Variants in IQUB observed in about 807,000 individuals in gnomAD.
IQUB encodes IQ motif and ubiquitin-like domain-containing protein.
IQUB carries 86 observed loss-of-function variants against 86.4 expected under a neutral mutation model. That is an observed-to-expected ratio of 1.00 (90% CI 0.84 to 1.19). The LOEUF (loss-of-function observed/expected upper bound fraction) is 1.19, where lower values mean the gene tolerates loss of function less well. Among genes scored for constraint, IQUB ranks in the 50% most tolerant of loss-of-function variants. The pLI is 0.00. For synonymous variants in IQUB, 289 were observed against 304.5 expected, an observed-to-expected ratio of 0.95 and a Z score of 0.53; for missense variants, 946 against 916.9, an observed-to-expected ratio of 1.03 and a Z score of -0.41.
chr7:123,527,155 T>C (rs1797263491), intron 1 of IQUB, among the ~76,000 whole-genome samples: 1 of 152,328 alleles, frequency 6.6e-6, no homozygotes, highest in Admixed American at 6.5e-5. Context: ...AGCCTTGGTT[T>C]TCAGCTCCAT....
chr7:123,463,446 T>C (rs1794095866), intron 10 of IQUB, among the ~76,000 whole-genome samples: 1 of 151,794 alleles, frequency 6.6e-6, no homozygotes, highest in Non-Finnish European at 1.5e-5. Flanking sequence ...ATTAGAATAT[T>C]TTTCAGCTAT....
rs145461420 is a variant in IQUB, at chr7:123,457,529, G to A, written c.2045C>T (p.Ala682Val). Residue 682 changes from alanine to valine, a missense_variant, in exon 12 of 13, where the codon GCG (alanine) becomes GTG (valine). By Grantham distance (64) the Ala-to-Val change is moderately conservative. Coordinates refer to ENST00000324698, the MANE Select transcript of IQUB (RefSeq NM_178827.5). Reference protein sequence around the residue: ...DIQYLTENIWASQSVLSACDN... With the variant: ...DIQYLTENIWVSQSVLSACDN... ...GCAAGCACTGAGGACTGACTGGGAC[G>A]CCCAGATGTTCTCTGTCAGGTACTG... 3.9e-3 allele frequency: 6,196 copies of A among 1,607,662 alleles called. 10 individuals are homozygous for A. Among genetic ancestry groups the A allele is most frequent in the Non-Finnish European group, 4.9e-3 (5,787 of 1,177,722 alleles).
At position 123,457,703 on chromosome 7, in the gene IQUB, C is replaced by A. The variant is rs558614068; in HGVS notation, c.2008-137G>T. 6.1e-4 allele frequency: 405 copies of A among 665,116 alleles called. 5 individuals are homozygous for A. In the South Asian group the frequency reaches 7.7e-3, roughly 13 times the overall value. 41.2% of individuals were successfully genotyped at this position (665,116 alleles called of 1,614,324 possible). A position where few individuals can be genotyped will look rare whatever the true frequency, so the allele number is the denominator to read the frequency against. ...ACTAGGTTTCAATGACACATAGCCC[C>A]TTATTTTTCACTAAACTTCTGTTCA... On this transcript the variant is annotated intron_variant, in intron 11 of 12. Coordinates refer to ENST00000324698, the MANE Select transcript of IQUB (RefSeq NM_178827.5).
At chr7:123,504,151 T>C (rs1191348096) in intron 3 of IQUB, among the ~76,000 whole-genome samples, 2 of 152,148 alleles carry the variant, frequency 1.3e-5, no homozygotes, top group African/African-American at 4.8e-5. Context: ...GCATAATTTA[T>C]AAAGAAAAGA....
At chr7:123,492,374 T>C (rs1207604847) in intron 7 of IQUB, among the ~76,000 whole-genome samples, 1 of 152,134 alleles carries the variant, frequency 6.6e-6, no homozygotes, top group Non-Finnish European at 1.5e-5. Context: ...AAAATTTATT[T>C]CAAACTGGAT....
At chr7:123,466,996 T>C (rs1445670634) in intron 9 of IQUB, among the ~76,000 whole-genome samples, 1 of 152,106 alleles carries the variant, frequency 6.6e-6, no homozygotes, top group Non-Finnish European at 1.5e-5. Context: ...GCCAAGTGTC[T>C]TATTAACTTG....
chr7:123,498,001 T>C (rs1029171135), intron 6 of IQUB, among the ~76,000 whole-genome samples: 2 of 151,104 alleles, frequency 1.3e-5, no homozygotes, highest in Non-Finnish European at 2.9e-5. Flanking sequence ...CTAAAATAAT[T>C]AGGCAAGGAG....
chr7:123,457,144 T>G (rs1287003529), intron 12 of IQUB: 22 of 969,976 alleles, frequency 2.3e-5, no homozygotes, highest in Admixed American at 1.2e-4. Flanking sequence ...AAACTTACTA[T>G]TAGGAGAGAC....
At chr7:123,486,866 A>G (rs1795231797) in intron 7 of IQUB, among the ~76,000 whole-genome samples, 1 of 105,088 alleles carries the variant, frequency 9.5e-6, no homozygotes, top group Non-Finnish European at 2.1e-5. Flanking sequence ...TGTGCAGGTA[A>G]TAAGCTTATT....
chr7:123,454,972 T>G (rs1460693262), intron 12 of IQUB, among the ~76,000 whole-genome samples: 1 of 152,170 alleles, frequency 6.6e-6, no homozygotes, highest in Non-Finnish European at 1.5e-5. Context: ...GGAGTTATTA[T>G]GTACAGCCCA....
Position 123,452,510 on chromosome 7 carries a change from C to A in IQUB, c.*233G>T. ...ACACATTTTAAAATGTTTTCTTTACCCCAAAATATTAATTTCAGTAACAAA... is the reference window on the plus strand; with the variant it reads ...ACACATTTTAAAATGTTTTCTTTACACCAAAATATTAATTTCAGTAACAAA... On this transcript the variant is annotated 3_prime_UTR_variant, in exon 13 of 13. Transcript: ENST00000324698. The A allele has an allele frequency of 3.2e-6, 1 of 315,528 alleles. No individual in the cohort carries two copies. The highest frequency in any genetic ancestry group is 5.7e-6 in the Non-Finnish European group (1 of 175,218). 19.5% of individuals were successfully genotyped at this position (315,528 alleles called of 1,614,324 possible).
At chr7:123,510,293 T>C (rs1322841066) in intron 2 of IQUB, among the ~76,000 whole-genome samples, 1 of 152,138 alleles carries the variant, frequency 6.6e-6, no homozygotes, top group African/African-American at 2.4e-5. Context: ...ATACCTGGTA[T>C]GTATCATTCA....
chr7:123,487,672 G>A (rs879796055), intron 7 of IQUB, among the ~76,000 whole-genome samples: 8 of 152,124 alleles, frequency 5.3e-5, no homozygotes, highest in East Asian at 1.9e-4. Context: ...TCTATTCACC[G>A]ATAGAGCAAG....
At chr7:123,504,042 G>A (rs1796066006) in intron 3 of IQUB, among the ~76,000 whole-genome samples, 1 of 152,038 alleles carries the variant, frequency 6.6e-6, no homozygotes, top group South Asian at 2.1e-4. Flanking sequence ...TGTAAGTACA[G>A]GACATACCCA....
chr7:123,490,960 A>G (rs1795433038), intron 7 of IQUB, among the ~76,000 whole-genome samples: 1 of 145,598 alleles, frequency 6.9e-6, no homozygotes, highest in African/African-American at 2.5e-5. Flanking sequence ...GCAAAACACC[A>G]TCTTGGAAAA....
At chr7:123,464,773 A>G (rs1344792243) in intron 10 of IQUB, 60 bp downstream of exon 10, 6 of 1,177,906 alleles carry the variant, frequency 5.1e-6, no homozygotes, top group Non-Finnish European at 5.8e-6. Context: ...AATATACTTC[A>G]ATTTACTATA....
intron 3 of IQUB, among the ~76,000 whole-genome samples, chr7:123,503,680 A>T (rs552984353): frequency 1.4e-3 from 213 of 151,900 alleles, no homozygotes; most frequent in Non-Finnish European, 2.6e-3. Context: ...GATGGAAAAT[A>T]TCAAAGGTGA....
rs201087943 is a variant in IQUB, at chr7:123,505,611, A to G, written c.533-2248T>C. 1.8e-4 allele frequency among the ~76,000 whole-genome samples: 28 copies of G among 152,318 alleles called. No homozygotes were observed. In the East Asian group the frequency reaches 5.2e-3, roughly 28 times the overall value. Reference sequence around the variant, plus strand: ...GCATATCTGGAGCCCTTTTAGCCAGAGCAGGAGCTGGAGTAGCTGGGATGC... The same window carrying G: ...GCATATCTGGAGCCCTTTTAGCCAGGGCAGGAGCTGGAGTAGCTGGGATGC... On this transcript the variant is annotated intron_variant, in intron 3 of 12. Coordinates refer to ENST00000324698, the MANE Select transcript of IQUB (RefSeq NM_178827.5).
At chr7:123,476,781 C>T (rs1206909586) in intron 8 of IQUB, among the ~76,000 whole-genome samples, 1 of 151,288 alleles carries the variant, frequency 6.6e-6, no homozygotes, top group East Asian at 1.9e-4. Context: ...GCAGAGTCAT[C>T]AGGACACCAG....
Sources: gnomAD v4.1 joint callset for allele counts (sites outside exome capture counted in the v4.1 genomes callset) on GRCh38, gnomAD v4.1.1 for gene constraint, MANE v1.5 for transcripts, NCBI Gene and HGNC (gene_info 2026-07-23, HGNC 2026-07-21) for gene names.